NUDCD3: variants seen among roughly 807,000 people sequenced by gnomAD.
The protein encoded by NUDCD3 is nudC domain-containing protein 3.
NUDCD3 carries 13 observed loss-of-function variants against 39.7 expected under a neutral mutation model. The ratio of observed to expected loss-of-function variants is 0.33; its 90% CI spans 0.21 to 0.52. The LOEUF (loss-of-function observed/expected upper bound fraction) is 0.52, where lower values mean the gene tolerates loss of function less well. NUDCD3 is among the 20% of genes least tolerant of loss of function. The probability of loss-of-function intolerance (pLI) is 0.96; values close to 1 mark genes in which losing one functional copy is unlikely to be tolerated. For missense variants in NUDCD3, 453 were observed against 458.1 expected (o/e 0.99, Z 0.10); for synonymous variants, 175 against 172.4 (o/e 1.02, Z -0.12).
At position 44,389,555 on chromosome 7, in the gene NUDCD3, A is replaced by G. The variant is rs577294778; in HGVS notation, c.975+2742T>C. On this transcript the variant is annotated intron_variant, in intron 5 of 5. Coordinates refer to ENST00000355451, the MANE Select transcript of NUDCD3 (RefSeq NM_015332.4). The stretch of plus-strand genomic sequence containing the variant: ...CAAAATAAGGAGGCCTTAGGCCTCC[A>G]GAAATGGAGAGACAAGAGCAGCTGC... Among the ~76,000 whole-genome samples the G allele has an allele frequency of 3.4e-3, 511 of 152,354 alleles. 1 individual carries two copies. Among genetic ancestry groups the G allele is most frequent in the Admixed American group, 7.0e-3 (107 of 15,312 alleles).
rs915432397 is a variant in NUDCD3, at chr7:44,381,872, G to A, written c.*4139C>T. 8 of 152,330 alleles carry A rather than the reference G, an allele frequency of 5.3e-5. No individual in the cohort carries two copies. The highest frequency in any genetic ancestry group is 1.9e-4 in the East Asian group (1 of 5,188). The allele number at this position is 152,330 out of a possible 1,614,324, so 9.4% of individuals were successfully genotyped here. A position where few individuals can be genotyped will look rare whatever the true frequency, so the allele number is the denominator to read the frequency against. On this transcript the variant is annotated 3_prime_UTR_variant, in exon 6 of 6. Coordinates refer to ENST00000355451, the MANE Select transcript of NUDCD3 (RefSeq NM_015332.4). ...CAGGGGTTTACCCAGAAAGCCCAGC[G>A]CATACCCCCAGAGTGTTCTGGCAGA...
At chr7:44,406,052 G>T (rs952285376) in intron 3 of NUDCD3, among the ~76,000 whole-genome samples, 5 of 152,198 alleles carry the variant, frequency 3.3e-5, no homozygotes, top group Non-Finnish European at 5.9e-5. Flanking sequence ...TACTGCCTCA[G>T]CCTCCCAAAG....
rs201026939 is a variant in NUDCD3, at chr7:44,470,165, A to AT, written c.509+14802dup. 4.3e-3 allele frequency among the ~76,000 whole-genome samples: 652 copies of AT among 152,310 alleles called. 7 individuals are homozygous for AT. Among genetic ancestry groups the AT allele is most frequent in the African/African-American group, 0.015 (615 of 41,550 alleles). ...GATATGAATTATCTAAAATTCAAAG[A>AT]TTTTTTTAAAAGACCAAAAAATAAA... On this transcript the variant is annotated intron_variant, in intron 2 of 5. Coordinates refer to ENST00000355451, the MANE Select transcript of NUDCD3 (RefSeq NM_015332.4).
intron 2 of NUDCD3, among the ~76,000 whole-genome samples, chr7:44,477,274 A>G (rs112978165): frequency 6.5e-4 from 99 of 152,178 alleles, no homozygotes; most frequent in Non-Finnish European, 1.2e-3. Flanking sequence ...GCACACCAAC[A>G]GTGTTGGAGC....
intron 1 of NUDCD3, among the ~76,000 whole-genome samples, chr7:44,489,151 C>G (rs1222922034): frequency 6.6e-6 from 1 of 152,188 alleles, no homozygotes; most frequent in Non-Finnish European, 1.5e-5. Flanking sequence ...AATCACTTAA[C>G]CTTGCTGAAT....
intron 2 of NUDCD3, among the ~76,000 whole-genome samples, chr7:44,435,107 A>T (rs570363019): frequency 2.8e-4 from 43 of 152,298 alleles, no homozygotes; most frequent in African/African-American, 9.4e-4. Context: ...TTGCCTAATA[A>T]TTCTACACTT....
intron 3 of NUDCD3, among the ~76,000 whole-genome samples, chr7:44,424,241 T>C (rs1252812205): frequency 6.6e-6 from 1 of 152,134 alleles, no homozygotes; most frequent in Non-Finnish European, 1.5e-5. Flanking sequence ...GGGCAAAGAC[T>C]TCATGACTAA....
At chr7:44,479,064 G>T (rs367719107) in intron 2 of NUDCD3, among the ~76,000 whole-genome samples, 1 of 152,126 alleles carries the variant, frequency 6.6e-6, no homozygotes, top group Non-Finnish European at 1.5e-5. Context: ...CAAGCAAAGC[G>T]GGAAAAGTCC....
intron 3 of NUDCD3, among the ~76,000 whole-genome samples, chr7:44,411,907 T>C (rs1308215746): frequency 6.6e-6 from 1 of 152,132 alleles, no homozygotes; most frequent in African/African-American, 2.4e-5. Context: ...AGTGGGGAAA[T>C]ACAGAGACGC....
intron 2 of NUDCD3, among the ~76,000 whole-genome samples, chr7:44,446,185 G>A (rs1418922813): frequency 6.6e-6 from 1 of 152,194 alleles, no homozygotes. Context: ...CTCAGCCAGA[G>A]AGCCTGTGTG....
chr7:44,445,073 C>T (rs1407173369), intron 2 of NUDCD3, among the ~76,000 whole-genome samples: 1 of 152,232 alleles, frequency 6.6e-6, no homozygotes, highest in African/African-American at 2.4e-5. Context: ...TGCTCCACCT[C>T]CACCTGTTCT....
At chr7:44,466,820 G>C (rs1003471036) in intron 2 of NUDCD3, among the ~76,000 whole-genome samples, 1 of 152,344 alleles carries the variant, frequency 6.6e-6, no homozygotes, top group South Asian at 2.1e-4. Context: ...CTAGTGGGCA[G>C]GAGGGAGAAA....
chr7:44,442,290 A>G (rs1265749570), intron 2 of NUDCD3, among the ~76,000 whole-genome samples: 1 of 152,250 alleles, frequency 6.6e-6, no homozygotes, highest in Non-Finnish European at 1.5e-5. Flanking sequence ...AGTGATTGCA[A>G]ATCACTGCAA....
rs74682474 is a variant in NUDCD3, at chr7:44,434,802, C to T, written c.510-7099G>A. 3.5e-3 allele frequency among the ~76,000 whole-genome samples: 529 copies of T among 152,332 alleles called. 9 individuals carry two copies. The highest frequency in any genetic ancestry group is 4.2e-3 in the East Asian group (22 of 5,190). ...GCTTCCCCGCACAGCAACCAGGTAA[C>T]GGTGACTAGGTCACTCAGCCTCTCT... On this transcript the variant is annotated intron_variant, in intron 2 of 5. Transcript: ENST00000355451.
Position 44,385,709 on chromosome 7 carries a change from T to C in NUDCD3, c.*302A>G, listed in dbSNP as rs1358627377. The C allele has an allele frequency of 5.1e-6, 2 of 389,872 alleles. No homozygotes were observed. Among genetic ancestry groups the C allele is most frequent in the Non-Finnish European group, 9.3e-6 (2 of 215,798 alleles). 24.2% of individuals were successfully genotyped at this position (389,872 alleles called of 1,614,324 possible). ...GGGAGGAAAGACATGCTGCCTGCAGTGGCTGGTTGCTGTGGAGACAAAAGC... is the reference window on the plus strand; with the variant it reads ...GGGAGGAAAGACATGCTGCCTGCAGCGGCTGGTTGCTGTGGAGACAAAAGC... On this transcript the variant is annotated 3_prime_UTR_variant, in exon 6 of 6. Transcript: ENST00000355451.
At chr7:44,450,179 A>T (rs1329012492) in intron 2 of NUDCD3, among the ~76,000 whole-genome samples, 2 of 144,336 alleles carry the variant, frequency 1.4e-5, no homozygotes, top group Non-Finnish European at 3.0e-5. Context: ...AGAATGTCTA[A>T]TTTTTTTTTT....
Position 44,381,560 on chromosome 7 carries a change from A to G in NUDCD3, c.*4451T>C, listed in dbSNP as rs1248056909. On this transcript the variant is annotated 3_prime_UTR_variant, in exon 6 of 6. Coordinates refer to ENST00000355451, the MANE Select transcript of NUDCD3 (RefSeq NM_015332.4). The stretch of plus-strand genomic sequence containing the variant: ...TTGTAGCACAATGAGGGGTTAGACT[A>G]CAAAGTCCCTCAGGCCCTGACCAGC... The G allele has an allele frequency of 6.6e-6, 1 of 152,224 alleles. No individual in the cohort carries two copies. The highest frequency in any genetic ancestry group is 1.5e-5 in the Non-Finnish European group (1 of 68,080). 9.4% of individuals were successfully genotyped at this position (152,224 alleles called of 1,614,324 possible).
chr7:44,379,132 G>C lies in NUDCD3; in HGVS notation c.*6879C>G, dbSNP rs544604814. 6.6e-6 allele frequency: 1 copy of C among 152,130 alleles called. No individual in the cohort carries two copies. The highest frequency in any genetic ancestry group is 2.1e-4 in the South Asian group (1 of 4,802). The allele number at this position is 152,130 out of a possible 1,614,324, so 9.4% of individuals were successfully genotyped here. ...AACTCACAAAGATACTGATTTATAC[G>C]GTTTACAAATACACGTACAGTGAAA... On this transcript the variant is annotated 3_prime_UTR_variant, in exon 6 of 6. Coordinates refer to ENST00000355451, the MANE Select transcript of NUDCD3 (RefSeq NM_015332.4).
At chr7:44,443,817 G>C (rs1799639095) in intron 2 of NUDCD3, among the ~76,000 whole-genome samples, 1 of 152,162 alleles carries the variant, frequency 6.6e-6, no homozygotes, top group Admixed American at 6.5e-5. Flanking sequence ...GTGGAGAAGA[G>C]ACCCCACCTC....
Sources: gnomAD v4.1 joint callset for allele counts (sites outside exome capture counted in the v4.1 genomes callset) on GRCh38, gnomAD v4.1.1 for gene constraint, MANE v1.5 for transcripts, NCBI Gene and HGNC (gene_info 2026-07-23, HGNC 2026-07-21) for gene names.